The following AOAH variants were observed in gnomAD, a reference collection of about 807,000 sequenced individuals.
AOAH encodes the protein acyloxyacyl hydrolase, also known as acyloxyacyl hydrolase (neutrophil).
A neutral mutation model predicts 92.2 loss-of-function variants in AOAH; 64 were observed. The ratio of observed to expected loss-of-function variants is 0.69; its 90% CI spans 0.57 to 0.86. The LOEUF is 0.86. Ranked by LOEUF, AOAH falls within the 40% of genes least tolerant of loss-of-function variation. The pLI is 0.00. For missense variants in AOAH, 656 were observed against 694.6 expected (o/e 0.94, Z 0.62); for synonymous variants, 263 against 254.5 (o/e 1.03, Z -0.32).
chr7:36,690,152 T>G, intron 1 of AOAH: 1 of 454,802 alleles, frequency 2.2e-6, no homozygotes, highest in South Asian at 1.6e-5. Context: ...AGGACTCTTA[T>G]GACAGTTGTG....
intron 2 of AOAH, among the ~76,000 whole-genome samples, chr7:36,675,431 C>A (rs1192287642): frequency 6.6e-6 from 1 of 152,032 alleles, no homozygotes; most frequent in Admixed American, 6.6e-5. Context: ...ACACATAATG[C>A]CCAAATGGAC....
intron 1 of AOAH, among the ~76,000 whole-genome samples, chr7:36,722,610 A>G (rs1209073775): frequency 6.6e-6 from 1 of 152,058 alleles, no homozygotes; most frequent in African/African-American, 2.4e-5. Flanking sequence ...TCTCTGGAAA[A>G]TAGTCTTGGG....
rs1196237379 is a variant in AOAH, at chr7:36,516,463, C to G, written c.1600-3083G>C. On this transcript the variant is annotated intron_variant, in intron 20 of 20. Transcript: ENST00000617537. This position sits in a 1 kb window ranked among gnomAD's most constrained non-coding sequence, Gnocchi z 5.0. ...CCCCCCCACACACACAGAAAGTGCACGGATACCACACACACACACACACAG... is the reference window on the plus strand; with the variant it reads ...CCCCCCCACACACACAGAAAGTGCAGGGATACCACACACACACACACACAG... 1.6e-5 allele frequency among the ~76,000 whole-genome samples: 2 copies of G among 123,468 alleles called. No individual in the cohort carries two copies. Among genetic ancestry groups the G allele is most frequent in the African/African-American group, 5.8e-5 (2 of 34,532 alleles). The allele number at this position is 123,468 out of a possible 152,430, so 81.0% of individuals were successfully genotyped here.
At chr7:36,579,290 T>C (rs1364811877) in intron 12 of AOAH, among the ~76,000 whole-genome samples, 2 of 151,698 alleles carry the variant, frequency 1.3e-5, no homozygotes, top group African/African-American at 4.8e-5. Flanking sequence ...GCCCAGCCAT[T>C]AGGTGATGTC....
At chr7:36,517,206 C>CTTTCTTTCTTTCT (rs1554360930) in intron 20 of AOAH, among the ~76,000 whole-genome samples, 1,988 of 47,200 alleles carry the variant, frequency 0.042, 90 homozygotes, top group Non-Finnish European at 0.051. Flanking sequence ...TTCTTTCTTT[C>CTTTCTTTCTTTCT]TTTCTTTCTC....
At chr7:36,606,038 C>A (rs1322888181) in intron 11 of AOAH, among the ~76,000 whole-genome samples, 1 of 152,194 alleles carries the variant, frequency 6.6e-6, no homozygotes, top group African/African-American at 2.4e-5. Context: ...TTTTACTAAA[C>A]AATAGCTTTT....
rs1214058341 is a variant in AOAH, at chr7:36,530,369, A to G, written c.1522+49T>C. The G allele has an allele frequency of 2.9e-6, 4 of 1,395,790 alleles. No homozygotes were observed. The East Asian group carries it at 9.1e-5, about 32-fold the overall frequency. The allele number at this position is 1,395,790 out of a possible 1,614,324, so 86.5% of individuals were successfully genotyped here. A position where few individuals can be genotyped will look rare whatever the true frequency, so the allele number is the denominator to read the frequency against. ...ATAAAACCAGTTGCCCAGGCCCTAA[A>G]CTAGCTGCTGCTTTCATCTTCTGTC... On this transcript the variant is annotated intron_variant, in intron 19 of 20. Coordinates refer to ENST00000617537, the MANE Select transcript of AOAH (RefSeq NM_001637.4).
At chr7:36,676,585 T>G (rs967822826) in intron 2 of AOAH, among the ~76,000 whole-genome samples, 7 of 152,204 alleles carry the variant, frequency 4.6e-5, no homozygotes, top group African/African-American at 1.4e-4. Flanking sequence ...AGCTAACTTC[T>G]TTGCAGAAAC....
chr7:36,554,743 G>A (rs1258510276), intron 13 of AOAH, among the ~76,000 whole-genome samples: 1 of 150,512 alleles, frequency 6.6e-6, no homozygotes, highest in African/African-American at 2.4e-5. Flanking sequence ...TCTCTTTGAA[G>A]CAATTGTGAA....
chr7:36,618,240 C>T, intron 10 of AOAH, 57 bp downstream of exon 10: 2 of 1,539,938 alleles, frequency 1.3e-6, no homozygotes, highest in Non-Finnish European at 1.8e-6. Context: ...TTCAATTTGA[C>T]TCAAACTAGA....
intron 13 of AOAH, among the ~76,000 whole-genome samples, chr7:36,567,194 A>G (rs527664970): frequency 2.0e-5 from 3 of 152,246 alleles, no homozygotes; most frequent in African/African-American, 7.2e-5. Flanking sequence ...CCCCAATCGA[A>G]TTCTTTCTTC....
At chr7:36,645,599 G>A (rs900680049) in intron 4 of AOAH, among the ~76,000 whole-genome samples, 1 of 152,090 alleles carries the variant, frequency 6.6e-6, no homozygotes, top group African/African-American at 2.4e-5. Flanking sequence ...AAATTTGCAG[G>A]TCTGTTATTA....
intron 19 of AOAH, among the ~76,000 whole-genome samples, chr7:36,528,754 C>A (rs968484762): frequency 6.6e-6 from 1 of 152,134 alleles, no homozygotes; most frequent in African/African-American, 2.4e-5. Flanking sequence ...CACCACCATG[C>A]CTGGCTAATA....
chr7:36,712,605 G>A (rs1221836682), intron 1 of AOAH, among the ~76,000 whole-genome samples: 3 of 152,168 alleles, frequency 2.0e-5, no homozygotes, highest in African/African-American at 4.8e-5. Flanking sequence ...CCCAAAAAGG[G>A]AAGCCCATCA....
chr7:36,557,082 A>G (rs13230747), intron 13 of AOAH, among the ~76,000 whole-genome samples: 58,380 of 151,824 alleles, frequency 0.38, 12,051 homozygotes, highest in East Asian at 0.53. Context: ...CCTAGTCTCA[A>G]TGGTCTTTAC....
At chr7:36,532,071 CCCCA>C in intron 18 of AOAH, 72 bp downstream of exon 18, 1 of 1,538,484 alleles carries the variant, frequency 6.5e-7, no homozygotes, top group South Asian at 1.1e-5. Context: ...AGGATCCCAT[CCCCA>C]GTGAAAACTC....
chr7:36,577,308 G>T (rs1313651876), intron 12 of AOAH, among the ~76,000 whole-genome samples: 1 of 152,100 alleles, frequency 6.6e-6, no homozygotes, highest in Admixed American at 6.6e-5. Flanking sequence ...GGTGATTCTG[G>T]TTCCTTCTTT....
At chr7:36,673,193 T>C (rs1003786123) in intron 3 of AOAH, among the ~76,000 whole-genome samples, 1 of 152,160 alleles carries the variant, frequency 6.6e-6, no homozygotes, top group Non-Finnish European at 1.5e-5. Context: ...GATGAGAGAC[T>C]GCCATGAACT....
chr7:36,532,074 C>T (rs1562539851), intron 18 of AOAH, 73 bp downstream of exon 18: 2 of 1,551,030 alleles, frequency 1.3e-6, no homozygotes, highest in Non-Finnish European at 1.8e-6. Flanking sequence ...ATCCCATCCC[C>T]AGTGAAAACT....
Sources: gnomAD v4.1 joint callset for allele counts (sites outside exome capture counted in the v4.1 genomes callset) on GRCh38, gnomAD v4.1.1 for gene constraint, Gnocchi (gnomAD v3.1) non-coding constraint, MANE v1.5 for transcripts, NCBI Gene and HGNC (gene_info 2026-07-23, HGNC 2026-07-21) for gene names.